Variants in FAF1 observed in about 807,000 individuals in gnomAD.
FAF1 encodes the protein Fas associated factor 1.
Under a neutral mutation model 92.5 loss-of-function variants are expected in FAF1, and 25 were observed. That is an observed-to-expected ratio of 0.27 (90% CI 0.20 to 0.38). The LOEUF is 0.38. Among genes scored for constraint, FAF1 ranks in the 10% least tolerant of loss-of-function variants. FAF1 has a pLI of 1.00. For missense variants in FAF1, 636 were observed against 793.3 expected (o/e 0.80, Z 2.38); for synonymous variants, 234 against 273.2 (o/e 0.86, Z 1.42).
At chr1:50,935,729 C>T (rs1645080699) in intron 1 of FAF1, among the ~76,000 whole-genome samples, 1 of 152,226 alleles carries the variant, frequency 6.6e-6, no homozygotes, top group Admixed American at 6.5e-5. Flanking sequence ...GCCTCAGCCT[C>T]CCAAAGTGCT....
At chr1:50,727,784 T>C (rs1658725073) in intron 6 of FAF1, among the ~76,000 whole-genome samples, 1 of 152,172 alleles carries the variant, frequency 6.6e-6, no homozygotes, top group African/African-American at 2.4e-5. Context: ...CCAGTGCAGC[T>C]AGAATAAAGC....
At chr1:50,724,276 T>TATACACACACAC in intron 6 of FAF1, among the ~76,000 whole-genome samples, 1 of 114,914 alleles carries the variant, frequency 8.7e-6, no homozygotes, top group South Asian at 2.7e-4. Context: ...TATATACATA[T>TATACACACACAC]ACACACACAC....
chr1:50,635,576 C>T (rs1239426968), intron 8 of FAF1, among the ~76,000 whole-genome samples: 2 of 152,138 alleles, frequency 1.3e-5, no homozygotes, highest in Non-Finnish European at 2.9e-5. Context: ...CGGGTGCATG[C>T]CACTATACCC....
chr1:50,531,215 A>G (rs1648148043), intron 15 of FAF1, among the ~76,000 whole-genome samples: 4 of 152,188 alleles, frequency 2.6e-5, no homozygotes, highest in Non-Finnish European at 5.9e-5. Context: ...CTGATCTCCA[A>G]CATCTGGATT....
At chr1:50,737,821 T>C (rs1659203306) in intron 6 of FAF1, among the ~76,000 whole-genome samples, 1 of 152,122 alleles carries the variant, frequency 6.6e-6, no homozygotes, top group South Asian at 2.1e-4. Flanking sequence ...GGGGAAAGCT[T>C]GACAATGTTC....
chr1:50,813,124 AT>A (rs1643932750), intron 2 of FAF1, among the ~76,000 whole-genome samples: 1 of 152,138 alleles, frequency 6.6e-6, no homozygotes, highest in South Asian at 2.1e-4. Context: ...TACTATGCTT[AT>A]TAGTGATTAA....
chr1:50,729,034 CTATA>C (rs1553132882), intron 6 of FAF1, among the ~76,000 whole-genome samples: 26 of 88,088 alleles, frequency 3.0e-4, no homozygotes, highest in East Asian at 2.9e-3. Flanking sequence ...ATCTATCTAT[CTATA>C]TATATATATA....
intron 1 of FAF1, among the ~76,000 whole-genome samples, chr1:50,885,559 C>T (rs1444326672): frequency 6.6e-6 from 1 of 151,980 alleles, no homozygotes; most frequent in East Asian, 1.9e-4. Flanking sequence ...CCTTTATTTT[C>T]AGTCTATATG....
intron 9 of FAF1, among the ~76,000 whole-genome samples, chr1:50,594,314 C>CA (rs57900829): frequency 0.032 from 2,607 of 81,058 alleles, 31 homozygotes; most frequent in African/African-American, 0.06. Flanking sequence ...GATCCTGTCT[C>CA]AAAAAAAAAA....
At chr1:50,587,557 G>T (rs1006433731) in intron 9 of FAF1, among the ~76,000 whole-genome samples, 1 of 151,422 alleles carries the variant, frequency 6.6e-6, no homozygotes. Context: ...ATAATCTCTC[G>T]GTATCTGTCA....
chr1:50,896,668 A>G (rs1230476987), intron 1 of FAF1, among the ~76,000 whole-genome samples: 2 of 152,246 alleles, frequency 1.3e-5, no homozygotes, highest in Non-Finnish European at 2.9e-5. Context: ...TGCTAAATGA[A>G]ATAAGCCAGT....
At chr1:50,866,965 A>G (rs546197128) in intron 1 of FAF1, among the ~76,000 whole-genome samples, 1 of 152,176 alleles carries the variant, frequency 6.6e-6, no homozygotes, top group South Asian at 2.1e-4. Flanking sequence ...TCACCAAAAC[A>G]TCATGGTACT....
chr1:50,684,053 A>G (rs542193375), intron 7 of FAF1, among the ~76,000 whole-genome samples: 2 of 152,200 alleles, frequency 1.3e-5, no homozygotes, highest in Non-Finnish European at 2.9e-5. Context: ...TGTGAAAGGA[A>G]ATCTTTCAGC....
chr1:50,860,699 C>A (rs1222554726), intron 1 of FAF1, among the ~76,000 whole-genome samples: 2 of 151,764 alleles, frequency 1.3e-5, no homozygotes, highest in Non-Finnish European at 2.9e-5. Flanking sequence ...TTGTAGATTT[C>A]TCAACTTAAA....
At chr1:50,911,860 C>T (rs1321391564) in intron 1 of FAF1, among the ~76,000 whole-genome samples, 2 of 152,024 alleles carry the variant, frequency 1.3e-5, no homozygotes, top group Non-Finnish European at 2.9e-5. Flanking sequence ...TGACGAAACC[C>T]CATGTCTACA....
chr1:50,926,033 T>C (rs1434370472), intron 1 of FAF1, among the ~76,000 whole-genome samples: 3 of 152,070 alleles, frequency 2.0e-5, no homozygotes, highest in South Asian at 2.1e-4. Context: ...CTGGGTAACA[T>C]AGCAATACCC....
intron 12 of FAF1, among the ~76,000 whole-genome samples, chr1:50,571,660 C>T (rs1650447542): frequency 6.6e-6 from 1 of 152,182 alleles, no homozygotes; most frequent in South Asian, 2.1e-4. Context: ...CGGTGCCTCA[C>T]TAATCTTCAC....
intron 15 of FAF1, among the ~76,000 whole-genome samples, chr1:50,502,020 A>G (rs1646996742): frequency 6.6e-6 from 1 of 152,258 alleles, no homozygotes; most frequent in East Asian, 1.9e-4. Flanking sequence ...TATAGAAAGC[A>G]GCAGTAGTGG....
intron 2 of FAF1, among the ~76,000 whole-genome samples, chr1:50,835,562 C>A (rs1644192828): frequency 1.6e-5 from 2 of 126,962 alleles, no homozygotes. Flanking sequence ...CAAAGCAAGA[C>A]TCCATCTCAA....
Sources: gnomAD v4.1 joint callset for allele counts (sites outside exome capture counted in the v4.1 genomes callset) on GRCh38, gnomAD v4.1.1 for gene constraint, MANE v1.5 for transcripts, NCBI Gene and HGNC (gene_info 2026-07-23, HGNC 2026-07-21) for gene names.